The following RPS6KA2 variants were observed in gnomAD, a reference collection of about 807,000 sequenced individuals.
The protein encoded by RPS6KA2 is ribosomal protein S6 kinase alpha-2.
RPS6KA2 carries 42 observed loss-of-function variants against 91.8 expected under a neutral mutation model. The observed-to-expected ratio is 0.46, with a 90% CI of 0.36 to 0.59. RPS6KA2 has a LOEUF of 0.59. Ranked by LOEUF, RPS6KA2 falls within the 20% of genes least tolerant of loss-of-function variation. RPS6KA2 has a pLI of 0.00. For missense variants in RPS6KA2, 798 were observed against 978.5 expected (o/e 0.82, Z 2.46); for synonymous variants, 414 against 393.6 (o/e 1.05, Z -0.61).
intron 6 of RPS6KA2, among the ~76,000 whole-genome samples, chr6:166,502,579 C>T (rs7764546): frequency 5.3e-5 from 8 of 152,168 alleles, no homozygotes; most frequent in Non-Finnish European, 7.3e-5. Flanking sequence ...CAGCCAGGGC[C>T]GCACGAGGAG....
In RPS6KA2 at chr6:166,612,607, C is replaced by T. The variant is rs979345406; in HGVS notation, c.99+14314G>A. 6.6e-6 allele frequency among the ~76,000 whole-genome samples: 1 copy of T among 152,122 alleles called. No homozygotes were observed. Among genetic ancestry groups the T allele is most frequent in the African/African-American group, 2.4e-5 (1 of 41,418 alleles). On this transcript the variant is annotated intron_variant, in intron 1 of 20. Coordinates refer to ENST00000265678, the MANE Select transcript of RPS6KA2 (RefSeq NM_021135.6). This position sits in a 1 kb window ranked among gnomAD's most constrained non-coding sequence, Gnocchi z 4.3. ...CCTCCACTAATCCTGCTCATCTGAC[C>T]GAGGTCAGACACTGCTTTGCAGAGC...
chr6:166,482,443 G>C (rs2128470447), intron 10 of RPS6KA2, among the ~76,000 whole-genome samples: 1 of 152,294 alleles, frequency 6.6e-6, no homozygotes, highest in South Asian at 2.1e-4. Context: ...TGCTGGGGGA[G>C]GAATGTCCCA....
At chr6:166,716,328 C>T (rs769999662) in intron 2 of RPS6KA2, among the ~76,000 whole-genome samples, 19 of 152,132 alleles carry the variant, frequency 1.2e-4, no homozygotes, top group Non-Finnish European at 2.4e-4. Context: ...ACAAATAGGA[C>T]GATGATTTCC....
At chr6:166,487,978 G>C (rs1261807241) in intron 10 of RPS6KA2, among the ~76,000 whole-genome samples, 1 of 151,978 alleles carries the variant, frequency 6.6e-6, no homozygotes, top group Non-Finnish European at 1.5e-5. Context: ...TCTTTCTTTG[G>C]GGTTAAGGCA....
chr6:166,552,875 C>T (rs1258822666), intron 1 of RPS6KA2, among the ~76,000 whole-genome samples: 3 of 152,184 alleles, frequency 2.0e-5, no homozygotes, highest in African/African-American at 4.8e-5. Context: ...CACGCTGGTC[C>T]CTGGAGGCTA....
chr6:166,578,341 G>A (rs549916203), intron 1 of RPS6KA2, among the ~76,000 whole-genome samples: 2 of 152,244 alleles, frequency 1.3e-5, no homozygotes, highest in African/African-American at 4.8e-5. Flanking sequence ...GGTGGCCCTA[G>A]GAAGTAGTGG....
In RPS6KA2 at chr6:166,419,762, A is replaced by G. The variant is rs1371199201; in HGVS notation, c.1820+120T>C. On this transcript the variant is annotated intron_variant, in intron 18 of 20. Coordinates refer to ENST00000265678, the MANE Select transcript of RPS6KA2 (RefSeq NM_021135.6). This position sits in a 1 kb window ranked among gnomAD's most constrained non-coding sequence, Gnocchi z 5.6. The stretch of plus-strand genomic sequence containing the variant: ...TCAAGGCCTGGGAGTGTTTGCATAC[A>G]CGTTGGGTTTGCCCACATGCGCACA... 3.9e-6 allele frequency: 3 copies of G among 774,330 alleles called. No homozygotes were observed. In the Admixed American group the frequency reaches 6.2e-5, roughly 16 times the overall value. The allele number at this position is 774,330 out of a possible 1,614,324, so 48.0% of individuals were successfully genotyped here. A position where few individuals can be genotyped will look rare whatever the true frequency, so the allele number is the denominator to read the frequency against.
At chr6:166,436,158 G>A (rs1200457165) in intron 14 of RPS6KA2, among the ~76,000 whole-genome samples, 4 of 152,120 alleles carry the variant, frequency 2.6e-5, no homozygotes, top group Admixed American at 6.6e-5. Context: ...CCCTGACACC[G>A]CCAGGCAAGG....
chr6:166,611,266 C>G (rs896408268), intron 1 of RPS6KA2, among the ~76,000 whole-genome samples: 7 of 152,172 alleles, frequency 4.6e-5, no homozygotes, highest in African/African-American at 1.4e-4. Context: ...AAGTCCAAAG[C>G]TGCTAAATAT....
At chr6:166,634,865 G>A (rs1052372454) in intron 2 of RPS6KA2, among the ~76,000 whole-genome samples, 2 of 152,086 alleles carry the variant, frequency 1.3e-5, no homozygotes, top group Non-Finnish European at 2.9e-5. Flanking sequence ...GCCTCCCAAA[G>A]TGCTGGGGTT....
chr6:166,555,691 C>T (rs762563691), intron 1 of RPS6KA2, among the ~76,000 whole-genome samples: 1 of 152,108 alleles, frequency 6.6e-6, no homozygotes, highest in Non-Finnish European at 1.5e-5. Context: ...ACCTATTACG[C>T]TTACATTTCC....
In RPS6KA2 at chr6:166,504,599, T is replaced by C. The variant is rs1782131246; in HGVS notation, c.473A>G (p.Glu158Gly). Reference protein sequence around the residue: ...TRLSKEVMFTEEDVKFYLAEL... With the variant: ...TRLSKEVMFTGEDVKFYLAEL... The stretch of plus-strand genomic sequence containing the variant: ...AGCCAGGTAGAACTTGACATCCTCC[T>C]CCGTGAACATGACCTAGTAAGAAAA... Residue 158 changes from glutamate to glycine, a missense_variant, in exon 6 of 21, where the codon GAG becomes GGG. Physicochemically the swap from Glu to Gly is moderately conservative, Grantham distance 98. Coordinates refer to ENST00000265678, the MANE Select transcript of RPS6KA2 (RefSeq NM_021135.6). 6.2e-7 allele frequency: 1 copy of C among 1,610,278 alleles called. No individual in the cohort carries two copies. The highest frequency in any genetic ancestry group is 8.5e-7 in the Non-Finnish European group (1 of 1,178,186).
At chr6:166,800,319 C>T (rs1178433355) in intron 2 of RPS6KA2, among the ~76,000 whole-genome samples, 1 of 152,208 alleles carries the variant, frequency 6.6e-6, no homozygotes, top group Non-Finnish European at 1.5e-5. Context: ...GGGGGAGCAG[C>T]CCAGCTCCCG....
chr6:166,585,199 C>T (rs1189231325), intron 1 of RPS6KA2, among the ~76,000 whole-genome samples: 2 of 152,200 alleles, frequency 1.3e-5, no homozygotes, highest in African/African-American at 2.4e-5. Flanking sequence ...GCTCTGGCTA[C>T]GTGAAAAAGA....
chr6:166,655,311 A>G (rs1787971317), intron 2 of RPS6KA2, among the ~76,000 whole-genome samples: 1 of 152,248 alleles, frequency 6.6e-6, no homozygotes, highest in Non-Finnish European at 1.5e-5. Context: ...CACCAAGGAC[A>G]CATAACAAGC....
intron 3 of RPS6KA2, among the ~76,000 whole-genome samples, chr6:166,513,743 T>C (rs1562548140): frequency 1.3e-5 from 2 of 152,136 alleles, no homozygotes; most frequent in Non-Finnish European, 2.9e-5. Flanking sequence ...GGGCCATGAA[T>C]GGAAACCACT....
chr6:166,453,949 G>A (rs541783263), intron 12 of RPS6KA2, among the ~76,000 whole-genome samples: 15 of 152,336 alleles, frequency 9.8e-5, no homozygotes, highest in South Asian at 2.1e-4. Flanking sequence ...CAACTCACAC[G>A]TGGAAAGTCA....
rs190216886 is a variant in RPS6KA2 at position 166,729,335 on chromosome 6, C to T, written c.123+128865G>A. Among the ~76,000 whole-genome samples the T allele has an allele frequency of 3.4e-3, 518 of 152,322 alleles. 3 individuals carry two copies. The highest frequency in any genetic ancestry group is 0.011 in the African/African-American group (453 of 41,576). ...GAGACATCAAAGTCACCTGCCATTGCTCAGGATGTTATTTCTTTCTCTTTC... is the reference window on the plus strand; with the variant it reads ...GAGACATCAAAGTCACCTGCCATTGTTCAGGATGTTATTTCTTTCTCTTTC... On this transcript the variant is annotated intron_variant, in intron 2 of 21. Coordinates refer to the RPS6KA2 transcript ENST00000503859.
In RPS6KA2 at chr6:166,495,871, A is replaced by C. The variant is rs137978089; in HGVS notation, c.747+2637T>G. ...CCACTGGGAGTGGTGCTTCTGTCTT[A>C]GGGCTGATGGTGGAAGGGGACCGGG... is the stretch of plus-strand genomic sequence containing the variant. On this transcript the variant is annotated intron_variant, in intron 8 of 20. Coordinates refer to ENST00000265678, the MANE Select transcript of RPS6KA2 (RefSeq NM_021135.6). The surrounding 1 kb of genome is among the most constrained non-coding windows in gnomAD (Gnocchi z 4.4). Among the ~76,000 whole-genome samples the C allele has an allele frequency of 1.9e-3, 282 of 152,318 alleles. No homozygotes were observed. Among genetic ancestry groups the C allele is most frequent in the African/African-American group, 6.4e-3 (265 of 41,560 alleles).
Sources: gnomAD v4.1 joint callset for allele counts (sites outside exome capture counted in the v4.1 genomes callset) on GRCh38, gnomAD v4.1.1 for gene constraint, Gnocchi (gnomAD v3.1) non-coding constraint, MANE v1.5 for transcripts, NCBI Gene and HGNC (gene_info 2026-07-23, HGNC 2026-07-21) for gene names.